The following PAK1 variants were observed in gnomAD, a reference collection of about 807,000 sequenced individuals.
The protein encoded by PAK1 is serine/threonine-protein kinase PAK 1.
Under a neutral mutation model 67.4 loss-of-function variants are expected in PAK1, and 29 were observed. The observed-to-expected ratio is 0.43, with a 90% confidence interval of 0.32 to 0.59. PAK1 has a LOEUF of 0.59. Among genes scored for constraint, PAK1 ranks in the 20% least tolerant of loss-of-function variants. The pLI, the probability that PAK1 is intolerant of heterozygous loss-of-function variation, is 0.07. For synonymous variants in PAK1, 223 were observed against 237.4 expected (o/e 0.94, Z 0.56); for missense variants, 337 against 670.7 (o/e 0.50, Z 5.50).
Position 77,355,731 on chromosome 11 carries a change from G to C in PAK1, c.709C>G (p.Arg237Gly), listed in dbSNP as rs750826465. 1.2e-6 allele frequency: 2 copies of C among 1,613,114 alleles called. No homozygotes were observed. Among genetic ancestry groups the C allele is most frequent in the Non-Finnish European group, 1.7e-6 (2 of 1,179,286 alleles). ...TTCTTCTTCTGCTTCTCAGTATTCC[G>C]GGTCAAAGCATCTGGTGGAGTGGTG... ...NNTTPPDALTRNTEKQKKKPK... is the reference protein window; with the variant it reads ...NNTTPPDALTGNTEKQKKKPK... The change falls in exon 7 of 15, where the codon CGG (arginine) becomes GGG (glycine). Residue 237 changes from arginine (R) to glycine (G), a missense_variant. Physicochemically the swap from Arg to Gly is moderately radical, Grantham distance 125. Transcript: ENST00000356341.
intron 5 of PAK1, among the ~76,000 whole-genome samples, chr11:77,372,596 A>G (rs1948587013): frequency 6.6e-6 from 1 of 152,170 alleles, no homozygotes; most frequent in Non-Finnish European, 1.5e-5. Context: ...TTAGAACTTA[A>G]CCACTCTTCT....
At chr11:77,458,273 GAA>G (rs566365216) in intron 1 of PAK1, among the ~76,000 whole-genome samples, 4 of 152,062 alleles carry the variant, frequency 2.6e-5, no homozygotes, top group Non-Finnish European at 4.4e-5. Context: ...TTAATTCTTA[GAA>G]CAAAGAACAT....
intron 9 of PAK1, among the ~76,000 whole-genome samples, chr11:77,347,765 T>C (rs542291637): frequency 1.3e-5 from 2 of 152,358 alleles, no homozygotes; most frequent in South Asian, 4.1e-4. Context: ...CACATGTATA[T>C]GAGTAAAAAT....
intron 1 of PAK1, among the ~76,000 whole-genome samples, chr11:77,420,404 A>AT: frequency 6.6e-6 from 1 of 152,338 alleles, no homozygotes. Context: ...AAAGAAAAGC[A>AT]TTTTTAAAGA....
At chr11:77,478,026 C>A (rs1958078044), upstream of PAK1, among the ~76,000 whole-genome samples, 1 of 152,158 alleles carries the variant, frequency 6.6e-6, no homozygotes, top group South Asian at 2.1e-4. Flanking sequence ...AGGAACCAAC[C>A]ATGTATAGGA....
chr11:77,453,478 C>G (rs1017313312), intron 1 of PAK1, among the ~76,000 whole-genome samples: 10 of 147,714 alleles, frequency 6.8e-5, no homozygotes, highest in Non-Finnish European at 1.3e-4. Context: ...TTAACATGAA[C>G]TTGTAAGTAT....
chr11:77,385,944 A>G (rs1412182350), intron 2 of PAK1, among the ~76,000 whole-genome samples: 1 of 152,230 alleles, frequency 6.6e-6, no homozygotes, highest in African/African-American at 2.4e-5. Flanking sequence ...TTAATATAAA[A>G]AACTGTTAGG....
At chr11:77,350,074 A>G (rs568934245) in intron 8 of PAK1, among the ~76,000 whole-genome samples, 2 of 152,312 alleles carry the variant, frequency 1.3e-5, no homozygotes, top group African/African-American at 4.8e-5. Context: ...GAAGAACCAC[A>G]CTGAATAATC....
upstream of PAK1, chr11:77,475,417 T>C (rs576993250): frequency 6.6e-6 from 1 of 152,358 alleles, no homozygotes; most frequent in African/African-American, 2.4e-5. Context: ...TCTGATGATG[T>C]CCTCCCGTTT....
chr11:77,433,406 C>G (rs1277061033), intron 1 of PAK1, among the ~76,000 whole-genome samples: 1 of 152,124 alleles, frequency 6.6e-6, no homozygotes, highest in Non-Finnish European at 1.5e-5. Flanking sequence ...AGACAATCCA[C>G]AAAATTGGAG....
At chr11:77,432,833 T>TA (rs34223016) in intron 1 of PAK1, among the ~76,000 whole-genome samples, 37,210 of 145,108 alleles carry the variant, frequency 0.26, 5,668 homozygotes, top group South Asian at 0.45. Flanking sequence ...AAACTGAAAT[T>TA]AAAAAAAAAA....
At chr11:77,468,052 A>G (rs1957679101) in intron 1 of PAK1, among the ~76,000 whole-genome samples, 2 of 152,214 alleles carry the variant, frequency 1.3e-5, no homozygotes, top group African/African-American at 2.4e-5. Context: ...TGCCATCCCA[A>G]AAGATTCAAA....
At chr11:77,344,197 AG>A (rs1944060706) in intron 9 of PAK1, among the ~76,000 whole-genome samples, 1 of 152,220 alleles carries the variant, frequency 6.6e-6, no homozygotes, top group South Asian at 2.1e-4. Flanking sequence ...TGATGTAAAA[AG>A]TCCTCCAGGT....
chr11:77,397,096 G>C (rs1305814421), intron 1 of PAK1: 6 of 152,230 alleles, frequency 3.9e-5, no homozygotes, highest in African/African-American at 1.2e-4. Context: ...CAGACGTGCT[G>C]CAATATAAAG....
intron 14 of PAK1, among the ~76,000 whole-genome samples, chr11:77,330,355 G>C (rs1941184888): frequency 6.6e-6 from 1 of 152,104 alleles, no homozygotes; most frequent in Non-Finnish European, 1.5e-5. Flanking sequence ...GAACAAAGCT[G>C]GAGGCATCAC....
chr11:77,453,223 G>A (rs77793319), intron 1 of PAK1, among the ~76,000 whole-genome samples: 6,392 of 152,072 alleles, frequency 0.042, 451 homozygotes, highest in African/African-American at 0.15. Flanking sequence ...GGTGTATGGC[G>A]CACGCCTATA....
intron 8 of PAK1, chr11:77,353,312 C>T (rs532963046): frequency 8.8e-5 from 41 of 467,336 alleles, no homozygotes; most frequent in African/African-American, 2.4e-4. Context: ...ACTGTCACTG[C>T]AGGGGTATTT....
intron 1 of PAK1, among the ~76,000 whole-genome samples, chr11:77,423,683 A>T (rs1565692609): frequency 6.6e-6 from 1 of 152,212 alleles, no homozygotes; most frequent in Non-Finnish European, 1.5e-5. Context: ...GGGGTTGGAA[A>T]ATTCTGCAAA....
chr11:77,451,503 T>C (rs1435388979), intron 1 of PAK1, among the ~76,000 whole-genome samples: 2 of 152,262 alleles, frequency 1.3e-5, no homozygotes, highest in Non-Finnish European at 2.9e-5. Context: ...AGTTTGCCTG[T>C]TTCTTTGCAT....
Sources: allele counts gnomAD v4.1 joint callset (sites outside exome capture counted in the v4.1 genomes callset), GRCh38; gene constraint gnomAD v4.1.1; transcripts MANE v1.5; gene names NCBI Gene and HGNC (gene_info 2026-07-23, HGNC 2026-07-21).